CGNL1: variants seen among roughly 807,000 people sequenced by gnomAD.
CGNL1 encodes cingulin like 1, also known as cingulin-like protein 1.
Under a neutral mutation model 141.2 loss-of-function variants are expected in CGNL1, and 132 were observed. The ratio of observed to expected loss-of-function variants is 0.93; its 90% CI spans 0.81 to 1.08. CGNL1 has a LOEUF of 1.08. CGNL1 is among the 50% of genes least tolerant of loss of function. The probability of loss-of-function intolerance (pLI) is 0.00; values close to 1 mark genes in which losing one functional copy is unlikely to be tolerated. For synonymous variants in CGNL1, 690 were observed against 622.1 expected, an observed-to-expected ratio of 1.11 and a Z score of -1.63; for missense variants, 1,870 against 1,588.6, an observed-to-expected ratio of 1.18 and a Z score of -3.01.
chr15:57,518,563 G>A (rs768174914), intron 10 of CGNL1, 66 bp downstream of exon 10: 4 of 1,049,764 alleles, frequency 3.8e-6, no homozygotes, highest in Non-Finnish European at 5.8e-6. Flanking sequence ...ACACCAGAGG[G>A]ATGTGTGGAG....
chr15:57,487,686 T>C (rs113530686), intron 8 of CGNL1, among the ~76,000 whole-genome samples: 38 of 152,364 alleles, frequency 2.5e-4, no homozygotes, highest in African/African-American at 9.1e-4. Flanking sequence ...CTTTGTAGAT[T>C]GTGCTGTTAT....
intron 8 of CGNL1, among the ~76,000 whole-genome samples, chr15:57,511,865 G>A (rs1161372424): frequency 6.6e-6 from 1 of 152,192 alleles, no homozygotes. Flanking sequence ...TTTAAAACAA[G>A]ACATCACGTA....
intron 1 of CGNL1, chr15:57,405,215 T>G (rs2062702440): frequency 6.6e-6 from 1 of 152,222 alleles, no homozygotes; most frequent in Admixed American, 6.5e-5. Flanking sequence ...TGCGTCCACA[T>G]TAGGCATTAA....
intron 12 of CGNL1, chr15:57,527,719 A>G (rs2031701105): frequency 6.6e-6 from 1 of 152,258 alleles, no homozygotes; most frequent in Non-Finnish European, 1.5e-5. Context: ...ACAACATTAT[A>G]AATTAAGCTA....
Position 57,439,485 on chromosome 15 carries a change from G to A in CGNL1, c.1486G>A (p.Glu496Lys), listed in dbSNP as rs1402690280. Residue 496 changes from glutamate to lysine, a missense_variant, in exon 2 of 19, where the codon GAG (glutamate) becomes AAG (lysine). Physicochemically the swap from Glu to Lys is moderately conservative, Grantham distance 56. Coordinates refer to ENST00000281282, the MANE Select transcript of CGNL1 (RefSeq NM_032866.5). ...SLGAQSKKEEEVKTATATLML... is the reference protein window; with the variant it reads ...SLGAQSKKEEKVKTATATLML... ...TGGTGCACAGAGTAAAAAGGAGGAG[G>A]AGGTGAAAACAGCCACCGCTACGCT... 6.2e-7 allele frequency: 1 copy of A among 1,614,124 alleles called. No individual in the cohort carries two copies. Among genetic ancestry groups the A allele is most frequent in the African/African-American group, 1.3e-5 (1 of 74,928 alleles).
chr15:57,383,455 C>G (rs1360047465), intron 1 of CGNL1, among the ~76,000 whole-genome samples: 1 of 151,888 alleles, frequency 6.6e-6, no homozygotes, highest in African/African-American at 2.4e-5. Context: ...CGTGCCACGA[C>G]GCCCGGCTAA....
intron 1 of CGNL1, among the ~76,000 whole-genome samples, chr15:57,382,939 G>C (rs544529325): frequency 1.0e-3 from 153 of 152,268 alleles, no homozygotes; most frequent in Middle Eastern, 3.4e-3. Context: ...TCATGAAGAG[G>C]TTCTAGTATA....
At chr15:57,517,445 C>A (rs989571836) in intron 9 of CGNL1, among the ~76,000 whole-genome samples, 30 of 152,322 alleles carry the variant, frequency 2.0e-4, no homozygotes, top group Admixed American at 1.8e-3. Flanking sequence ...TGAGAGATGG[C>A]ACACTCTCAG....
chr15:57,536,005 A>G (rs2032238737), intron 14 of CGNL1, among the ~76,000 whole-genome samples: 1 of 152,174 alleles, frequency 6.6e-6, no homozygotes, highest in Non-Finnish European at 1.5e-5. Flanking sequence ...ATAAGGACAT[A>G]CCTGAGACTG....
In CGNL1 at chr15:57,546,415, C is replaced by A. The variant is rs555951658; in HGVS notation, c.3773+176C>A. On this transcript the variant is annotated intron_variant, in intron 18 of 18. Transcript: ENST00000281282. ...GTCCACTTTAGTCACCTTACATGGG[C>A]AGTAGGGTCTCATGCATGTCATTCT... 2.0e-5 allele frequency among the ~76,000 whole-genome samples: 3 copies of A among 152,178 alleles called. No homozygotes were observed. In the South Asian group the frequency reaches 6.2e-4, roughly 32 times the overall value.
At chr15:57,432,477 A>G (rs763352501) in intron 1 of CGNL1, among the ~76,000 whole-genome samples, 4 of 152,236 alleles carry the variant, frequency 2.6e-5, no homozygotes, top group Admixed American at 6.5e-5. Flanking sequence ...AGCAATTATC[A>G]TCATTTAGCA....
intron 9 of CGNL1, among the ~76,000 whole-genome samples, chr15:57,517,656 A>G (rs567526666): frequency 5.3e-5 from 8 of 152,274 alleles, no homozygotes; most frequent in Admixed American, 2.0e-4. Context: ...TTGAAGTGTG[A>G]ATGGCATCAC....
intron 8 of CGNL1, among the ~76,000 whole-genome samples, chr15:57,509,092 A>G (rs769602224): frequency 2.6e-5 from 4 of 152,202 alleles, no homozygotes; most frequent in Non-Finnish European, 5.9e-5. Context: ...GAAGGGACGC[A>G]TTATTGTGAC....
At chr15:57,532,782 T>G (rs1699423716) in intron 14 of CGNL1, among the ~76,000 whole-genome samples, 1 of 152,262 alleles carries the variant, frequency 6.6e-6, no homozygotes, top group Non-Finnish European at 1.5e-5. Flanking sequence ...CACACTTGCT[T>G]GTTGAACTAA....
intron 8 of CGNL1, among the ~76,000 whole-genome samples, chr15:57,514,480 A>C (rs1228988312): frequency 6.6e-6 from 1 of 152,132 alleles, no homozygotes; most frequent in Admixed American, 6.5e-5. Context: ...TTACTGAGTT[A>C]AAGAATCATT....
At chr15:57,547,038 T>C (rs1379146688) in intron 18 of CGNL1, among the ~76,000 whole-genome samples, 1 of 152,214 alleles carries the variant, frequency 6.6e-6, no homozygotes. Context: ...AGATAATGCA[T>C]GCAATCCATG....
Position 57,516,962 on chromosome 15 carries a change from G to A in CGNL1, c.2586G>A (p.Ala862=), listed in dbSNP as rs377287104. The part of the protein sequence containing the change: ...IEDLKGDEAK[A]KETLKKYEGE... ...ACCTGAAAGGCGATGAAGCCAAGGC[G>A]AAGGAAACGCTGAAGAAGTACGAGG... The change falls in exon 9 of 19, where the codon GCG becomes GCA. Residue 862 remains alanine (A), a synonymous_variant. Coordinates refer to ENST00000281282, the MANE Select transcript of CGNL1 (RefSeq NM_032866.5). 9.8e-5 allele frequency: 158 copies of A among 1,613,278 alleles called. 1 individual carries two copies. The highest frequency in any genetic ancestry group is 3.4e-4 in the Middle Eastern group (2 of 5,902).
Position 57,451,491 on chromosome 15 carries a change from T to G in CGNL1, c.1804-9T>G. 1 of 1,583,184 alleles carries G rather than the reference T, an allele frequency of 6.3e-7. No homozygotes were observed. Among genetic ancestry groups the G allele is most frequent in the South Asian group, 1.1e-5 (1 of 87,642 alleles). On this transcript the variant is annotated splice_polypyrimidine_tract_variant and intron_variant, in intron 4 of 18. Transcript: ENST00000281282. ...ATTTAAATTAGTATATCTTTGCAAT[T>G]AATTATAGGCTTGTAATTCCACATC...
rs764408604 is a variant in CGNL1, at chr15:57,524,560, C to T, written c.2869-21C>T. ...CTCAGAGCATCCCAGGGTGGGCTCA[C>T]ACCCGTGTCACTTCTTCTAGATGGC... On this transcript the variant is annotated intron_variant, in intron 11 of 18. Coordinates refer to ENST00000281282, the MANE Select transcript of CGNL1 (RefSeq NM_032866.5). The T allele has an allele frequency of 4.0e-5, 65 of 1,605,696 alleles. 2 individuals are homozygous for T. In the South Asian group the frequency reaches 6.8e-4, roughly 17 times the overall value.
Sources: allele counts gnomAD v4.1 joint callset (sites outside exome capture counted in the v4.1 genomes callset), GRCh38; gene constraint gnomAD v4.1.1; transcripts MANE v1.5; gene names NCBI Gene and HGNC (gene_info 2026-07-23, HGNC 2026-07-21).